FIG4: variants seen among roughly 807,000 people sequenced by gnomAD.
FIG4 encodes polyphosphoinositide phosphatase.
FIG4 carries 112 observed loss-of-function variants against 118.6 expected under a neutral mutation model. The observed-to-expected ratio is 0.94, with a 90% CI of 0.81 to 1.11. The LOEUF (loss-of-function observed/expected upper bound fraction) is 1.11, where lower values mean the gene tolerates loss of function less well. Ranked by LOEUF, FIG4 falls within the 50% of genes least tolerant of loss-of-function variation. FIG4 has a pLI of 0.00. For synonymous variants in FIG4, 369 were observed against 381.2 expected (o/e 0.97, Z 0.37); for missense variants, 969 against 1,111.7 (o/e 0.87, Z 1.83).
At position 109,792,611 on chromosome 6, in the gene FIG4, T is replaced by C. The variant is rs765557108; in HGVS notation, c.2406T>C (p.Tyr802=). ...TGGTCCAACCCATGAAGGAGCTATA[T>C]GGAATTAACCTCTCAGATGGCCTCT... ...ENVVQPMKEL[Y]GINLSDGLSE... is the part of the protein sequence containing the mutation. The change falls in exon 21 of 23, where the codon TAT becomes TAC. Residue 802 remains tyrosine, a synonymous_variant. Coordinates refer to ENST00000230124, the MANE Select transcript of FIG4 (RefSeq NM_014845.6). 25 of 1,606,012 alleles carry C rather than the reference T, an allele frequency of 1.6e-5. No homozygotes were observed. The Admixed American group carries it at 2.2e-4, about 14-fold the overall frequency.
At chr6:109,795,460 G>A (rs1337617001) in intron 21 of FIG4, among the ~76,000 whole-genome samples, 2 of 151,842 alleles carry the variant, frequency 1.3e-5, no homozygotes, top group East Asian at 3.9e-4. Flanking sequence ...GGTAGTTTCT[G>A]TAACACTTTC....
At chr6:109,705,359 A>G (rs1583629875) in intron 1 of FIG4, among the ~76,000 whole-genome samples, 1 of 152,202 alleles carries the variant, frequency 6.6e-6, no homozygotes, top group African/African-American at 2.4e-5. Flanking sequence ...GCAGGCAGTG[A>G]TTCCGCGGTC....
intron 22 of FIG4, among the ~76,000 whole-genome samples, chr6:109,808,950 C>G (rs1475205264): frequency 6.6e-6 from 1 of 151,980 alleles, no homozygotes; most frequent in Non-Finnish European, 1.5e-5. Context: ...CCAGTATTTT[C>G]CAAATGATCA....
At position 109,785,011 on chromosome 6, in the gene FIG4, C is replaced by A. The variant is rs1193799492; in HGVS notation, c.1931C>A (p.Pro644Gln). ...ACACCAGAGGTGATAAAGCATTTAC[C>A]ATTGCCCTATGATGAAGGTAGGTAA... ...WWTPEVIKHL[P>Q]LPYDEVICAV... Residue 644 changes from proline to glutamine, a missense_variant, in exon 17 of 23, where the codon CCA becomes CAA. Around this residue, in one of 3 missense-constraint regions of FIG4, gnomAD observed 330 missense variants for 348.1 expected, o/e 0.95. Coordinates refer to ENST00000230124, the MANE Select transcript of FIG4 (RefSeq NM_014845.6). 1.3e-6 allele frequency: 2 copies of A among 1,570,806 alleles called. No individual in the cohort carries two copies. The highest frequency in any genetic ancestry group is 1.1e-5 in the South Asian group (1 of 90,276).
At position 109,694,014 on chromosome 6, in the gene FIG4, G is replaced by A. The variant is rs1265269593; in HGVS notation, c.66+2513G>A. On this transcript the variant is annotated intron_variant, in intron 1 of 22. Transcript: ENST00000230124. The stretch of plus-strand genomic sequence containing the variant: ...GCTATGAATTAAAAAAACAAAAACT[G>A]TAGTAGGTTGTAATAATGAGGATAA... Among the ~76,000 whole-genome samples, 5 of 151,826 alleles carry A rather than the reference G, an allele frequency of 3.3e-5. No individual in the cohort carries two copies. In the East Asian group the frequency reaches 9.6e-4, roughly 29 times the overall value.
chr6:109,753,208 C>T (rs1776767012), intron 10 of FIG4, among the ~76,000 whole-genome samples: 1 of 152,122 alleles, frequency 6.6e-6, no homozygotes, highest in South Asian at 2.1e-4. Flanking sequence ...TGCTTAGCTT[C>T]CGAGATCAGA....
chr6:109,778,427 G>A (rs1156814087), intron 16 of FIG4, among the ~76,000 whole-genome samples: 5 of 150,252 alleles, frequency 3.3e-5, no homozygotes, highest in Middle Eastern at 3.4e-3. Flanking sequence ...CCGAGATGGT[G>A]CCACGGCACT....
intron 22 of FIG4, among the ~76,000 whole-genome samples, chr6:109,817,415 G>A (rs1274670590): frequency 6.6e-6 from 1 of 152,156 alleles, no homozygotes; most frequent in African/African-American, 2.4e-5. Context: ...CCAGCATATG[G>A]GAGGGAAATT....
intron 4 of FIG4, among the ~76,000 whole-genome samples, chr6:109,728,887 A>G (rs146958055): frequency 1.3e-5 from 2 of 152,322 alleles, no homozygotes; most frequent in Admixed American, 1.3e-4. Context: ...GAATACTAAT[A>G]CAAATTATGT....
intron 4 of FIG4, among the ~76,000 whole-genome samples, chr6:109,727,880 T>C (rs1775868459): frequency 2.0e-5 from 3 of 152,168 alleles, no homozygotes; most frequent in Non-Finnish European, 4.4e-5. Flanking sequence ...CTTAAAAGAA[T>C]GTAAAAGTCA....
chr6:109,791,713 A>T (rs1778144196), intron 20 of FIG4, 142 bp downstream of exon 20: 1 of 737,232 alleles, frequency 1.4e-6, no homozygotes. Flanking sequence ...TAAGATGAAT[A>T]CATTTAGCAT....
chr6:109,701,583 G>T, intron 1 of FIG4: 1 of 414,318 alleles, frequency 2.4e-6, no homozygotes, highest in South Asian at 1.8e-5. Flanking sequence ...GATGAAAGTT[G>T]TTAGGATAAT....
rs776090013 is a variant in FIG4 at position 109,766,820 on chromosome 6, A to T, written c.1675A>T (p.Lys559Ter). Reference sequence around the variant, plus strand: ...TGTTCATCGTGTGAAAACCTACAGAAAGATAGCACCATGGACCCAGCACTC... The same window carrying T: ...TGTTCATCGTGTGAAAACCTACAGATAGATAGCACCATGGACCCAGCACTC... ...QLVHRVKTYR[K>*]IAPWTQHSKD... Residue 559 changes from lysine (K) to a stop codon, truncating the protein, a stop_gained, in exon 15 of 23, where the codon AAG becomes TAG. Coordinates refer to ENST00000230124, the MANE Select transcript of FIG4 (RefSeq NM_014845.6). LOFTEE classifies it high-confidence loss of function. The T allele has an allele frequency of 1.9e-6, 3 of 1,613,934 alleles. No individual in the cohort carries two copies. The highest frequency in any genetic ancestry group is 1.3e-5 in the African/African-American group (1 of 74,924).
At chr6:109,778,656 T>C (rs1210689153) in intron 16 of FIG4, among the ~76,000 whole-genome samples, 9 of 151,966 alleles carry the variant, frequency 5.9e-5, no homozygotes, top group Non-Finnish European at 1.2e-4. Flanking sequence ...TGGAGTGCAG[T>C]GGCGCGATCT....
intron 3 of FIG4, among the ~76,000 whole-genome samples, chr6:109,720,638 T>A (rs137906613): frequency 6.6e-6 from 1 of 152,356 alleles, no homozygotes; most frequent in East Asian, 1.9e-4. Context: ...TGAGGGCAGA[T>A]TCACTGATCA....
intron 10 of FIG4, among the ~76,000 whole-genome samples, chr6:109,759,196 C>T (rs1777019866): frequency 6.6e-6 from 1 of 152,164 alleles, no homozygotes; most frequent in Admixed American, 6.5e-5. Flanking sequence ...GAAACCAACC[C>T]AACGGCCCAT....
intron 15 of FIG4, among the ~76,000 whole-genome samples, chr6:109,767,972 T>A (rs1777335291): frequency 6.6e-6 from 1 of 152,198 alleles, no homozygotes; most frequent in Non-Finnish European, 1.5e-5. Flanking sequence ...TGGGTGAGCT[T>A]GACATGGTAT....
At chr6:109,715,674 G>C (rs1775408353) in intron 2 of FIG4, among the ~76,000 whole-genome samples, 1 of 152,136 alleles carries the variant, frequency 6.6e-6, no homozygotes, top group African/African-American at 2.4e-5. Flanking sequence ...CCAGAGTCAA[G>C]AATACAGAGG....
intron 22 of FIG4, among the ~76,000 whole-genome samples, chr6:109,798,753 C>T (rs1230121621): frequency 6.6e-6 from 1 of 152,126 alleles, no homozygotes; most frequent in African/African-American, 2.4e-5. Context: ...TATTTTATCA[C>T]AGCCTTCAAA....
Sources: gnomAD v4.1 joint callset for allele counts (sites outside exome capture counted in the v4.1 genomes callset) on GRCh38, gnomAD v4.1.1 for gene constraint, gnomAD v4.1.1 regional missense constraint, MANE v1.5 for transcripts, NCBI Gene and HGNC (gene_info 2026-07-23, HGNC 2026-07-21) for gene names.